Variants in CHST9 observed in about 807,000 individuals in gnomAD.
The protein encoded by CHST9 is carbohydrate sulfotransferase 9.
In CHST9, 41 loss-of-function variants were observed where a neutral mutation model predicts 44.4. That is an observed-to-expected ratio of 0.92 (90% CI 0.72 to 1.20). CHST9 has a LOEUF of 1.20. Ranked by LOEUF, CHST9 falls within the 50% of genes most tolerant of loss-of-function variation. CHST9 has a pLI of 0.00. For synonymous variants in CHST9, 171 were observed against 178.4 expected, an observed-to-expected ratio of 0.96 and a Z score of 0.33; for missense variants, 504 against 516.5, an observed-to-expected ratio of 0.98 and a Z score of 0.23.
chr18:27,082,702 A>T (rs2057972278), intron 2 of CHST9, among the ~76,000 whole-genome samples: 1 of 152,242 alleles, frequency 6.6e-6, no homozygotes, highest in Non-Finnish European at 1.5e-5. Flanking sequence ...TTGAAGTTTT[A>T]TCAATACACA....
chr18:27,017,693 T>C (rs399857), intron 4 of CHST9, among the ~76,000 whole-genome samples: 4 of 152,190 alleles, frequency 2.6e-5, no homozygotes, highest in Non-Finnish European at 5.9e-5. Context: ...TGGGATTCAA[T>C]ACCTTATTTT....
chr18:27,094,915 C>T (rs77184588), intron 2 of CHST9, among the ~76,000 whole-genome samples: 171 of 152,232 alleles, frequency 1.1e-3, no homozygotes, highest in African/African-American at 4.0e-3. Context: ...GGTAATTGCA[C>T]TCTAATTATG....
Position 26,992,033 on chromosome 18 carries a change from C to G in CHST9, c.202+32083G>C, listed in dbSNP as rs1454645071. Among the ~76,000 whole-genome samples the G allele has an allele frequency of 1.6e-5, 2 of 126,386 alleles. 1 individual carries two copies. The highest frequency in any genetic ancestry group is 5.3e-5 in the African/African-American group (2 of 37,444). The allele number at this position is 126,386 out of a possible 152,430, so 82.9% of individuals were successfully genotyped here. A position where few individuals can be genotyped will look rare whatever the true frequency, so the allele number is the denominator to read the frequency against. The stretch of plus-strand genomic sequence containing the variant: ...TTTGTGTGGTGAAGGAATGATCCAG[C>G]GAAAAAAGGAAAAATTGATGTTGTT... On this transcript the variant is annotated intron_variant, in intron 4 of 5. Transcript: ENST00000618847.
chr18:27,005,217 A>T (rs913913594), intron 4 of CHST9, among the ~76,000 whole-genome samples: 41 of 152,338 alleles, frequency 2.7e-4, no homozygotes, highest in African/African-American at 9.6e-4. Context: ...AAATGGGAAT[A>T]CTACTACTAA....
chr18:27,129,453 C>T (rs2058453942), intron 2 of CHST9, among the ~76,000 whole-genome samples: 1 of 152,010 alleles, frequency 6.6e-6, no homozygotes, highest in African/African-American at 2.4e-5. Flanking sequence ...AGTGCAGTGG[C>T]ATGATCACAG....
intron 2 of CHST9, among the ~76,000 whole-genome samples, chr18:27,136,611 C>T (rs1386805787): frequency 6.6e-6 from 1 of 152,198 alleles, no homozygotes; most frequent in African/African-American, 2.4e-5. Context: ...GTACCTATCT[C>T]AGACTTGTTG....
intron 2 of CHST9, among the ~76,000 whole-genome samples, chr18:27,072,915 T>C (rs9960540): frequency 0.31 from 46,552 of 151,956 alleles, 7,265 homozygotes; most frequent in South Asian, 0.43. Flanking sequence ...GCAGTATGAT[T>C]ACCAGGAACT....
intron 5 of CHST9, among the ~76,000 whole-genome samples, chr18:26,931,767 T>G (rs1349807670): frequency 1.3e-5 from 2 of 152,228 alleles, no homozygotes; most frequent in African/African-American, 4.8e-5. Context: ...GACTGAGGGC[T>G]TCACATGCAC....
At chr18:27,024,216 A>G in intron 3 of CHST9, 59 bp from the exon 4 acceptor site, 1 of 1,428,220 alleles carries the variant, frequency 7.0e-7, no homozygotes, top group Non-Finnish European at 9.7e-7. Flanking sequence ...ACATTTATAA[A>G]ACTTTCTACA....
At chr18:27,169,120 T>C (rs1292427506) in intron 1 of CHST9, among the ~76,000 whole-genome samples, 2 of 152,202 alleles carry the variant, frequency 1.3e-5, no homozygotes, top group Non-Finnish European at 2.9e-5. Context: ...ACAGCTTGAC[T>C]GTAGGCTTGT....
At chr18:27,084,553 G>A (rs1053082300) in intron 2 of CHST9, among the ~76,000 whole-genome samples, 1 of 150,122 alleles carries the variant, frequency 6.7e-6, no homozygotes, top group African/African-American at 2.5e-5. Flanking sequence ...TTCTTTATCA[G>A]TCTAGTTAGT....
At chr18:26,987,901 C>A (rs529139907) in intron 4 of CHST9, among the ~76,000 whole-genome samples, 1 of 152,130 alleles carries the variant, frequency 6.6e-6, no homozygotes, top group Non-Finnish European at 1.5e-5. Context: ...CAACCTGATA[C>A]TGGATTTCCC....
intron 4 of CHST9, among the ~76,000 whole-genome samples, chr18:26,985,754 T>A (rs2056747850): frequency 6.6e-6 from 1 of 152,082 alleles, no homozygotes; most frequent in Non-Finnish European, 1.5e-5. Context: ...TTAGAAAGGA[T>A]TAGAGGGGAT....
At chr18:27,112,265 G>A (rs1292507816) in intron 2 of CHST9, among the ~76,000 whole-genome samples, 2 of 151,156 alleles carry the variant, frequency 1.3e-5, no homozygotes, top group Admixed American at 6.6e-5. Context: ...GGATGTGTAT[G>A]TGTGTGTGTA....
chr18:27,139,532 C>A (rs1401466943), intron 2 of CHST9, among the ~76,000 whole-genome samples: 1 of 151,824 alleles, frequency 6.6e-6, no homozygotes, highest in Non-Finnish European at 1.5e-5. Context: ...AAATGTCTGC[C>A]TACCTAGAAA....
chr18:27,160,171 C>A (rs556532303), intron 1 of CHST9, among the ~76,000 whole-genome samples: 14 of 152,304 alleles, frequency 9.2e-5, no homozygotes, highest in Admixed American at 6.5e-4. Context: ...TGAGAGAGGG[C>A]ATCCCTGTCT....
intron 1 of CHST9, among the ~76,000 whole-genome samples, chr18:27,178,056 A>G (rs2058882460): frequency 6.6e-6 from 1 of 152,028 alleles, no homozygotes; most frequent in Non-Finnish European, 1.5e-5. Flanking sequence ...TAGACCGAAT[A>G]AAGTTAGGGG....
rs370735472 is a variant in CHST9, at chr18:27,098,198, T to TA, written c.121+44490dup. Reference sequence around the variant, plus strand: ...AGACATTTATGTGGCGAAAAAACATTAAAAAAAAAAGCTCAACATGACTGG... The same window carrying TA: ...AGACATTTATGTGGCGAAAAAACATTAAAAAAAAAAAGCTCAACATGACTGG... On this transcript the variant is annotated intron_variant, in intron 2 of 5. Coordinates refer to ENST00000618847, the MANE Select transcript of CHST9 (RefSeq NM_031422.6). Among the ~76,000 whole-genome samples, 514 of 144,532 alleles carry TA rather than the reference T, an allele frequency of 3.6e-3. 2 individuals carry two copies. The highest frequency in any genetic ancestry group is 0.02 in the East Asian group (98 of 4,990). 94.8% of individuals were successfully genotyped at this position (144,532 alleles called of 152,430 possible).
intron 3 of CHST9, among the ~76,000 whole-genome samples, chr18:27,039,094 C>T (rs2057418968): frequency 6.6e-6 from 1 of 152,092 alleles, no homozygotes; most frequent in Non-Finnish European, 1.5e-5. Flanking sequence ...GAGAGTCTTA[C>T]AAATTTACTT....
Sources: allele counts gnomAD v4.1 joint callset (sites outside exome capture counted in the v4.1 genomes callset), GRCh38; gene constraint gnomAD v4.1.1; transcripts MANE v1.5; gene names NCBI Gene and HGNC (gene_info 2026-07-23, HGNC 2026-07-21).